Variants in ZNF385D observed in about 807,000 individuals in gnomAD.
The protein encoded by ZNF385D is zinc finger protein 385D, also known as zinc finger protein 659.
In ZNF385D, 15 loss-of-function variants were observed where a neutral mutation model predicts 35.8. The ratio of observed to expected loss-of-function variants is 0.42; its 90% CI spans 0.28 to 0.64. ZNF385D has a LOEUF of 0.64. Among genes scored for constraint, ZNF385D ranks in the 30% least tolerant of loss-of-function variants. ZNF385D has a pLI of 0.23. For synonymous variants in ZNF385D, 212 were observed against 186.8 expected (o/e 1.13, Z -1.10); for missense variants, 474 against 494.6 (o/e 0.96, Z 0.39).
At chr3:22,116,210 T>G (rs1702804331) in intron 3 of ZNF385D, among the ~76,000 whole-genome samples, 1 of 152,034 alleles carries the variant, frequency 6.6e-6, no homozygotes, top group Admixed American at 6.6e-5. Context: ...AGTTATAAAT[T>G]TTTCTTTGTA....
intron 3 of ZNF385D, among the ~76,000 whole-genome samples, chr3:22,075,497 C>T (rs372955126): frequency 4.0e-5 from 6 of 151,872 alleles, no homozygotes. Context: ...TTCACTTTCC[C>T]ACTCTCTCCT....
intron 2 of ZNF385D, among the ~76,000 whole-genome samples, chr3:22,370,944 T>G (rs756990028): frequency 5.3e-5 from 8 of 152,192 alleles, no homozygotes; most frequent in Non-Finnish European, 1.2e-4. Context: ...TTCCAGCACT[T>G]CATTTCCTTA....
chr3:21,544,955 C>G (rs924934551), intron 3 of ZNF385D, among the ~76,000 whole-genome samples: 1 of 152,084 alleles, frequency 6.6e-6, no homozygotes, highest in Non-Finnish European at 1.5e-5. Context: ...GACGTGTTCA[C>G]GTATACAGGA....
At chr3:21,837,452 G>T (rs1180611495) in intron 3 of ZNF385D, among the ~76,000 whole-genome samples, 1 of 152,066 alleles carries the variant, frequency 6.6e-6, no homozygotes, top group Admixed American at 6.6e-5. Context: ...TACATCCCAG[G>T]CTTCTTCATG....
chr3:21,961,296 C>G (rs1340378866), intron 3 of ZNF385D: 1 of 151,998 alleles, frequency 6.6e-6, no homozygotes, highest in African/African-American at 2.4e-5. Flanking sequence ...AATGAAAGAA[C>G]AGAAACTTAC....
chr3:22,231,200 C>T (rs1360949248), intron 2 of ZNF385D, among the ~76,000 whole-genome samples: 2 of 152,222 alleles, frequency 1.3e-5, no homozygotes, highest in East Asian at 3.9e-4. Flanking sequence ...AAGCCCCCTG[C>T]CACTGGAGCA....
At chr3:22,344,963 TCTA>T (rs777146131) in intron 2 of ZNF385D, among the ~76,000 whole-genome samples, 7 of 152,284 alleles carry the variant, frequency 4.6e-5, no homozygotes, top group Admixed American at 1.3e-4. Context: ...GCCCAAAATT[TCTA>T]CTTTTTCATG....
At chr3:21,479,049 G>GTT in intron 4 of ZNF385D, among the ~76,000 whole-genome samples, 1 of 150,448 alleles carries the variant, frequency 6.6e-6, no homozygotes, top group East Asian at 2.0e-4. Context: ...TAAATATTGG[G>GTT]TATATATATA....
chr3:21,982,912 G>T (rs931872445), intron 3 of ZNF385D, among the ~76,000 whole-genome samples: 9 of 151,404 alleles, frequency 5.9e-5, no homozygotes, highest in Non-Finnish European at 8.8e-5. Context: ...TGTGTATGTT[G>T]AACCAACTTG....
At chr3:22,115,016 T>C (rs1226322476) in intron 3 of ZNF385D, among the ~76,000 whole-genome samples, 3 of 152,080 alleles carry the variant, frequency 2.0e-5, no homozygotes, top group Non-Finnish European at 4.4e-5. Flanking sequence ...CAATCTCTTC[T>C]CTTTTCTGTA....
chr3:21,940,174 T>C (rs940950881), intron 3 of ZNF385D, among the ~76,000 whole-genome samples: 6 of 152,206 alleles, frequency 3.9e-5, no homozygotes, highest in African/African-American at 1.4e-4. Flanking sequence ...TGACGGTGTC[T>C]ACTGATATTT....
At chr3:22,326,604 G>C (rs1157438) in intron 2 of ZNF385D, among the ~76,000 whole-genome samples, 1 of 151,928 alleles carries the variant, frequency 6.6e-6, no homozygotes, top group African/African-American at 2.4e-5. Context: ...AAACCTGCCA[G>C]GAATGGAGCA....
intron 3 of ZNF385D, among the ~76,000 whole-genome samples, chr3:21,922,544 C>A (rs1464994736): frequency 1.3e-5 from 2 of 152,164 alleles, no homozygotes; most frequent in South Asian, 2.1e-4. Flanking sequence ...GAGGAAAGGA[C>A]TCCTATTCAA....
intron 3 of ZNF385D, among the ~76,000 whole-genome samples, chr3:21,773,576 A>G (rs1462423162): frequency 1.3e-5 from 2 of 152,024 alleles, no homozygotes; most frequent in African/African-American, 2.4e-5. Context: ...TTTACAAGAA[A>G]AAAAACAAAC....
chr3:21,893,833 C>A (rs1276779960), intron 3 of ZNF385D, among the ~76,000 whole-genome samples: 1 of 152,180 alleles, frequency 6.6e-6, no homozygotes, highest in African/African-American at 2.4e-5. Context: ...AGGCAACCAT[C>A]TCTGCAGACT....
chr3:21,755,543 A>T (rs1216303936), upstream of ZNF385D, among the ~76,000 whole-genome samples: 1 of 152,176 alleles, frequency 6.6e-6, no homozygotes, highest in Admixed American at 6.5e-5. Context: ...GTCTGTTTAA[A>T]TATTATGTCT....
chr3:22,218,460 T>C (rs1005829305), intron 2 of ZNF385D, among the ~76,000 whole-genome samples: 2 of 149,852 alleles, frequency 1.3e-5, no homozygotes, highest in African/African-American at 5.1e-5. Flanking sequence ...TAAATATATG[T>C]ATATATATGT....
intron 3 of ZNF385D, among the ~76,000 whole-genome samples, chr3:22,135,954 C>T (rs1017083444): frequency 6.6e-6 from 1 of 152,144 alleles, no homozygotes; most frequent in Non-Finnish European, 1.5e-5. Flanking sequence ...TAACCTCACA[C>T]TTTATATAAA....
intron 4 of ZNF385D, among the ~76,000 whole-genome samples, chr3:21,474,580 T>G (rs534099253): frequency 2.0e-5 from 3 of 152,270 alleles, no homozygotes; most frequent in East Asian, 1.9e-4. Flanking sequence ...CTACACCATC[T>G]GCTTATAGTA....
Sources: allele counts gnomAD v4.1 joint callset (sites outside exome capture counted in the v4.1 genomes callset), GRCh38; gene constraint gnomAD v4.1.1; transcripts MANE v1.5; gene names NCBI Gene and HGNC (gene_info 2026-07-23, HGNC 2026-07-21).